The following LMNB2 variants were observed in gnomAD, a reference collection of about 807,000 sequenced individuals.
LMNB2 encodes lamin-B2.
Under a neutral mutation model 69.3 loss-of-function variants are expected in LMNB2, and 17 were observed. The ratio of observed to expected loss-of-function variants is 0.25; its 90% CI spans 0.17 to 0.37. The LOEUF (loss-of-function observed/expected upper bound fraction) is 0.37, where lower values mean the gene tolerates loss of function less well. Among genes scored for constraint, LMNB2 ranks in the 10% least tolerant of loss-of-function variants. The pLI is 1.00. For synonymous variants in LMNB2, 397 were observed against 389.3 expected, an observed-to-expected ratio of 1.02 and a Z score of -0.23; for missense variants, 789 against 883.6, an observed-to-expected ratio of 0.89 and a Z score of 1.36.
chr19:2,431,533 G>A lies in LMNB2; in HGVS notation c.1821+15C>T, dbSNP rs1489146339. Reference sequence around the variant, plus strand: ...GAGGCTGCCCCCCAGCCGCAAGTGGGCACAGGGGTCCTACCTGTTGGTGGA... The same window carrying A: ...GAGGCTGCCCCCCAGCCGCAAGTGGACACAGGGGTCCTACCTGTTGGTGGA... On this transcript the variant is annotated intron_variant, in intron 11 of 11. Coordinates refer to ENST00000325327, the MANE Select transcript of LMNB2 (RefSeq NM_032737.4). 1 of 1,613,776 alleles carries A rather than the reference G, an allele frequency of 6.2e-7. No homozygotes were observed. The highest frequency in any genetic ancestry group is 1.3e-5 in the African/African-American group (1 of 74,928).
chr19:2,432,638 C>A, intron 8 of LMNB2, 115 bp from the exon 9 acceptor site: 1 of 807,230 alleles, frequency 1.2e-6, no homozygotes, highest in Non-Finnish European at 2.2e-6. Flanking sequence ...AGCTAGGTCA[C>A]CCCATTACCC....
At position 2,438,453 on chromosome 19, in the gene LMNB2, C is replaced by T. The variant is rs957831316; in HGVS notation, c.480G>A (p.Glu160=). 1.9e-6 allele frequency: 3 copies of T among 1,612,278 alleles called. No individual in the cohort carries two copies. Among genetic ancestry groups the T allele is most frequent in the Non-Finnish European group, 8.5e-7 (1 of 1,179,882 alleles). ...KDLESLFHRS[E]VELAAALSDK... ...CGCTGAGGGCAGCTGCCAGCTCCAC[C>T]TCGCTCCGGTGGAACAGGGACTCCA... The change falls in exon 3 of 12, where the codon GAG becomes GAA. Residue 160 remains glutamate, a synonymous_variant. Transcript: ENST00000325327.
At chr19:2,446,812 A>G (rs1326643479) in intron 1 of LMNB2, among the ~76,000 whole-genome samples, 1 of 152,200 alleles carries the variant, frequency 6.6e-6, no homozygotes, top group South Asian at 2.1e-4. Context: ...GTGTGGACCC[A>G]GAAGACATGA....
Position 2,456,926 on chromosome 19 carries a change from G to C in LMNB2, c.8C>G (p.Pro3Arg), listed in dbSNP as rs1972098760. MS[P>R]PSPGRRREQR... The stretch of plus-strand genomic sequence containing the variant: ...CTCCCGACGGCGGCCCGGGCTCGGC[G>C]GGCTCATTCAATCCGCGCCGCCGGC... The change falls in exon 1 of 12, where the codon CCG (proline) becomes CGG (arginine). Residue 3 changes from proline to arginine, a missense_variant. By Grantham distance (103) the Pro-to-Arg change is moderately radical. Transcript: ENST00000325327. The C allele has an allele frequency of 1.7e-5, 17 of 992,814 alleles. No homozygotes were observed. The highest frequency in any genetic ancestry group is 1.9e-5 in the Non-Finnish European group (16 of 836,624). The allele number at this position is 992,814 out of a possible 1,614,324, so 61.5% of individuals were successfully genotyped here. A position where few individuals can be genotyped will look rare whatever the true frequency, so the allele number is the denominator to read the frequency against.
chr19:2,440,823 CCCATCCAG>C (rs948767308), intron 2 of LMNB2, among the ~76,000 whole-genome samples: 41 of 152,054 alleles, frequency 2.7e-4, no homozygotes, highest in African/African-American at 7.5e-4. Context: ...CATCCGTCCA[CCCATCCAG>C]CCATCCATCC....
chr19:2,444,148 G>A (rs1971927995), intron 2 of LMNB2, among the ~76,000 whole-genome samples: 1 of 152,214 alleles, frequency 6.6e-6, no homozygotes, highest in African/African-American at 2.4e-5. Context: ...CCCTCTCTGG[G>A]GAGGCTCGCG....
chr19:2,455,842 A>T (rs11879096), intron 1 of LMNB2, among the ~76,000 whole-genome samples: 13,399 of 147,234 alleles, frequency 0.091, 2,047 homozygotes, highest in African/African-American at 0.32. Flanking sequence ...GGCCAGGCTG[A>T]CCCCACCCCT....
rs368420610 is a variant in LMNB2 at position 2,434,336 on chromosome 19, C to T, written c.1161G>A (p.Glu387=). Residue 387 remains glutamate (E), a synonymous_variant, in exon 7 of 12, where the codon GAG becomes GAA. Coordinates refer to ENST00000325327, the MANE Select transcript of LMNB2 (RefSeq NM_032737.4). ...CCAGGAGCTTCCGGTAGGCGTTGAT[C>T]TCCATGTCCAGGGCCAGCTTCACGT... ...LLDVKLALDM[E]INAYRKLLEG... 1.2e-6 allele frequency: 2 copies of T among 1,613,084 alleles called. No homozygotes were observed. The highest frequency in any genetic ancestry group is 1.7e-6 in the Non-Finnish European group (2 of 1,179,994).
Position 2,432,530 on chromosome 19 carries a change from G to A in LMNB2, c.1483-7C>T, listed in dbSNP as rs2145445603. The stretch of plus-strand genomic sequence containing the variant: ...AGTTCCCCAGAGACTGATCCTGGAA[G>A]ACACGGCACACACCTGACCCTCAGC... On this transcript the variant is annotated splice_region_variant and splice_polypyrimidine_tract_variant and intron_variant, in intron 8 of 11. Coordinates refer to ENST00000325327, the MANE Select transcript of LMNB2 (RefSeq NM_032737.4). The A allele has an allele frequency of 1.9e-6, 3 of 1,607,856 alleles. No homozygotes were observed. Among genetic ancestry groups the A allele is most frequent in the Non-Finnish European group, 2.6e-6 (3 of 1,174,590 alleles).
In LMNB2 at chr19:2,447,018, C is replaced by T. The variant is rs1357577962; in HGVS notation, c.265-2478G>A. ...AATTAGCCAGGCGTGGTGGTGGGCGCCTGTGGTCCCAGCTACTTGGGAGGC... is the reference window on the plus strand; with the variant it reads ...AATTAGCCAGGCGTGGTGGTGGGCGTCTGTGGTCCCAGCTACTTGGGAGGC... On this transcript the variant is annotated intron_variant, in intron 1 of 11. Transcript: ENST00000325327. The surrounding 1 kb of genome is among the most constrained non-coding windows in gnomAD (Gnocchi z 4.4). Among the ~76,000 whole-genome samples, 1 of 151,984 alleles carries T rather than the reference C, an allele frequency of 6.6e-6. No homozygotes were observed. Among genetic ancestry groups the T allele is most frequent in the African/African-American group, 2.4e-5 (1 of 41,356 alleles).
intron 1 of LMNB2, among the ~76,000 whole-genome samples, chr19:2,455,923 G>C (rs985046540): frequency 1.4e-5 from 2 of 146,476 alleles, no homozygotes; most frequent in African/African-American, 5.1e-5. Context: ...CTCACTCAGG[G>C]ACCCCTTGAA....
At chr19:2,451,972 C>T (rs574519608) in intron 1 of LMNB2, among the ~76,000 whole-genome samples, 135 of 152,160 alleles carry the variant, frequency 8.9e-4, no homozygotes, top group African/African-American at 2.7e-3. Flanking sequence ...TCTCCTCCCT[C>T]GGGAACGTAA....
At chr19:2,445,594 C>T (rs1264128578) in intron 1 of LMNB2, among the ~76,000 whole-genome samples, 2 of 131,014 alleles carry the variant, frequency 1.5e-5, no homozygotes, top group Admixed American at 7.6e-5. Flanking sequence ...AACTCCCCAC[C>T]CCACCAGCGG....
intron 11 of LMNB2, 95 bp from the exon 12 acceptor site, chr19:2,431,047 G>A (rs1971733172): frequency 1.1e-5 from 9 of 791,070 alleles, no homozygotes; most frequent in South Asian, 9.6e-5. Flanking sequence ...CACCAGGGAG[G>A]GGCTGAGCAA....
chr19:2,445,844 T>C (rs1971949318), intron 1 of LMNB2, among the ~76,000 whole-genome samples: 1 of 92,790 alleles, frequency 1.1e-5, no homozygotes, highest in African/African-American at 4.6e-5. Context: ...CACAGCGATC[T>C]GTAGTCAGAG....
At chr19:2,431,448 C>T (rs1568200493) in intron 11 of LMNB2, 100 bp downstream of exon 11, 1 of 1,490,740 alleles carries the variant, frequency 6.7e-7, no homozygotes, top group Non-Finnish European at 9.3e-7. Context: ...AGATGGAGCT[C>T]CCGTCGGGGA....
Position 2,447,685 on chromosome 19 carries a change from G to A in LMNB2, c.265-3145C>T, listed in dbSNP as rs1474685033. Among the ~76,000 whole-genome samples the A allele has an allele frequency of 6.6e-6, 1 of 152,194 alleles. No homozygotes were observed. Among genetic ancestry groups the A allele is most frequent in the Non-Finnish European group, 1.5e-5 (1 of 68,038 alleles). The stretch of plus-strand genomic sequence containing the variant: ...CCCACAGCCCTACAGGGCCAAGGGT[G>A]TCTATGCAAGGTGGGTACAGGGTCG... On this transcript the variant is annotated intron_variant, in intron 1 of 11. Transcript: ENST00000325327. The surrounding 1 kb of genome is among the most constrained non-coding windows in gnomAD (Gnocchi z 4.4).
chr19:2,430,757 C>G lies in LMNB2; in HGVS notation c.*154G>C. On this transcript the variant is annotated 3_prime_UTR_variant, in exon 12 of 12. Transcript: ENST00000325327. Reference sequence around the variant, plus strand: ...CGAAGTGAGGCTGGAGGAGACCCGCCAGGAGGGAGGGCTGGGGGAGACCCA... The same window carrying G: ...CGAAGTGAGGCTGGAGGAGACCCGCGAGGAGGGAGGGCTGGGGGAGACCCA... The G allele has an allele frequency of 1.4e-6, 1 of 719,450 alleles. No homozygotes were observed. The highest frequency in any genetic ancestry group is 2.6e-6 in the Non-Finnish European group (1 of 388,830). 44.6% of individuals were successfully genotyped at this position (719,450 alleles called of 1,614,324 possible).
chr19:2,435,257 G>A, intron 4 of LMNB2, 86 bp from the exon 5 acceptor site: 3 of 1,542,648 alleles, frequency 1.9e-6, no homozygotes, highest in East Asian at 2.3e-5. Flanking sequence ...GTGCCAAGAG[G>A]AACCTCCAGG....
Sources: gnomAD v4.1 joint callset for allele counts (sites outside exome capture counted in the v4.1 genomes callset) on GRCh38, gnomAD v4.1.1 for gene constraint, Gnocchi (gnomAD v3.1) non-coding constraint, MANE v1.5 for transcripts, NCBI Gene and HGNC (gene_info 2026-07-23, HGNC 2026-07-21) for gene names.